Variants in APPL1 observed in about 807,000 individuals in gnomAD.
APPL1 encodes adaptor protein, phosphotyrosine interacting with PH domain and leucine zipper 1.
In APPL1, 42 loss-of-function variants were observed where a neutral mutation model predicts 106.8. That is an observed-to-expected ratio of 0.39 (90% CI 0.31 to 0.51). The LOEUF (loss-of-function observed/expected upper bound fraction) is 0.51. Ranked by LOEUF, APPL1 falls within the 20% of genes least tolerant of loss-of-function variation. APPL1 has a pLI of 0.75. For missense variants in APPL1, 769 were observed against 858.2 expected (o/e 0.90, Z 1.30); for synonymous variants, 263 against 281.8 (o/e 0.93, Z 0.67).
At chr3:57,230,120 A>G (rs915313779) in intron 1 of APPL1, among the ~76,000 whole-genome samples, 3 of 152,198 alleles carry the variant, frequency 2.0e-5, no homozygotes, top group African/African-American at 7.2e-5. Flanking sequence ...AATTGGTACA[A>G]CTGGGATTTA....
rs150513885 is a variant in APPL1, at chr3:57,263,828, T to C, written c.1842+3054T>C. Among the ~76,000 whole-genome samples, 203 of 152,254 alleles carry C rather than the reference T, an allele frequency of 1.3e-3. 1 individual carries two copies. The highest frequency in any genetic ancestry group is 8.5e-4 in the Non-Finnish European group (58 of 68,002). On this transcript the variant is annotated intron_variant, in intron 19 of 21. Transcript: ENST00000288266. ...TAGGTGGCTTCCAAGTTTTAACTAT[T>C]GTGAACCGAGCTGCAGCAAACATGG...
At chr3:57,248,832 T>C (rs2060788400) in intron 10 of APPL1, among the ~76,000 whole-genome samples, 1 of 151,708 alleles carries the variant, frequency 6.6e-6, no homozygotes. Flanking sequence ...ATCCCACCAC[T>C]GCACTCCAGC....
At chr3:57,268,150 A>G (rs897090041) in intron 20 of APPL1, 8 of 488,074 alleles carry the variant, frequency 1.6e-5, no homozygotes, top group African/African-American at 1.2e-4. Context: ...CTAAAATAGT[A>G]TATTAGCTCT....
chr3:57,231,682 C>T (rs988916774), intron 1 of APPL1, among the ~76,000 whole-genome samples: 1 of 151,806 alleles, frequency 6.6e-6, no homozygotes, highest in Admixed American at 6.6e-5. Flanking sequence ...GTGGCATGCA[C>T]CTGTAGTCCC....
chr3:57,249,695 T>C, intron 11 of APPL1, 147 bp downstream of exon 11: 5 of 735,112 alleles, frequency 6.8e-6, no homozygotes, highest in Non-Finnish European at 1.0e-5. Flanking sequence ...TAGAAATATA[T>C]TGAATTTTTG....
chr3:57,247,469 C>T lies in APPL1; in HGVS notation c.696C>T (p.Ser232=), dbSNP rs565715367. Residue 232 remains serine (S), a synonymous_variant, in exon 9 of 22, where the codon AGC becomes AGT. Transcript: ENST00000288266. ...AATTTTTAGCTAATATTGGAACAAG[C>T]GTTCAGAAGTAAGTATTTTTTTCCT... is the stretch of plus-strand genomic sequence containing the variant. ...LEEFLANIGT[S]VQNVRREMDS... 83 of 1,591,810 alleles carry T rather than the reference C, an allele frequency of 5.2e-5. No homozygotes were observed. The highest frequency in any genetic ancestry group is 5.4e-5 in the African/African-American group (4 of 74,302).
Position 57,269,857 on chromosome 3 carries a change from A to G in APPL1, c.*170A>G, listed in dbSNP as rs1418928889. 3.5e-5 allele frequency: 26 copies of G among 752,838 alleles called. No homozygotes were observed. The East Asian group carries it at 7.3e-4, about 21-fold the overall frequency. 46.6% of individuals were successfully genotyped at this position (752,838 alleles called of 1,614,324 possible). ...ATTGAACTTGATGACTTAGGTTTGC[A>G]TTGATCTTTTTTCCCCCTTAAACAT... is the stretch of plus-strand genomic sequence containing the variant. On this transcript the variant is annotated 3_prime_UTR_variant, in exon 22 of 22. Transcript: ENST00000288266.
intron 13 of APPL1, among the ~76,000 whole-genome samples, chr3:57,256,632 C>CAAGA (rs1201624634): frequency 6.6e-6 from 1 of 152,070 alleles, no homozygotes; most frequent in African/African-American, 2.4e-5. Context: ...TAAAAAATAT[C>CAAGA]TGGTAGTTAA....
chr3:57,249,024 T>C (rs956142999), intron 10 of APPL1, among the ~76,000 whole-genome samples: 4 of 152,220 alleles, frequency 2.6e-5, no homozygotes, highest in African/African-American at 9.6e-5. Flanking sequence ...GATGATAGGA[T>C]GAAGCAGGTT....
intron 2 of APPL1, among the ~76,000 whole-genome samples, chr3:57,236,918 A>G (rs554424618): frequency 6.6e-6 from 1 of 152,114 alleles, no homozygotes; most frequent in Non-Finnish European, 1.5e-5. Context: ...TTCATTATGT[A>G]CTTAAGAGTT....
Position 57,271,772 on chromosome 3 carries a change from T to C in APPL1, c.*2085T>C, listed in dbSNP as rs539926515. 2 of 152,356 alleles carry C rather than the reference T, an allele frequency of 1.3e-5. No individual in the cohort carries two copies. The highest frequency in any genetic ancestry group is 4.8e-5 in the African/African-American group (2 of 41,580). 9.4% of individuals were successfully genotyped at this position (152,356 alleles called of 1,614,324 possible). ...GACCTGTAGTTCGTTTTAAGTCATGTTCACAGGAATTTCTACAATAATAAA... is the reference window on the plus strand; with the variant it reads ...GACCTGTAGTTCGTTTTAAGTCATGCTCACAGGAATTTCTACAATAATAAA... On this transcript the variant is annotated 3_prime_UTR_variant, in exon 22 of 22. Transcript: ENST00000288266.
chr3:57,239,818 C>G (rs2060735914), intron 4 of APPL1, among the ~76,000 whole-genome samples: 1 of 152,118 alleles, frequency 6.6e-6, no homozygotes, highest in Non-Finnish European at 1.5e-5. Context: ...TAGGAGGGTT[C>G]CAGTTTTTCC....
At chr3:57,242,211 C>A in intron 6 of APPL1, 69 bp downstream of exon 6, 3 of 1,186,110 alleles carry the variant, frequency 2.5e-6, no homozygotes, top group Non-Finnish European at 3.5e-6. Context: ...TATCTGTGGC[C>A]AGATTCTTTG....
chr3:57,253,414 A>G (rs2060815700), intron 12 of APPL1, among the ~76,000 whole-genome samples: 2 of 151,958 alleles, frequency 1.3e-5, no homozygotes, highest in African/African-American at 4.8e-5. Flanking sequence ...AAATCTACTA[A>G]ATGTTTTCAT....
At position 57,228,792 on chromosome 3, in the gene APPL1, A is replaced by T. The variant is rs1373771886; in HGVS notation, c.54+855A>T. On this transcript the variant is annotated intron_variant, in intron 1 of 21. Coordinates refer to ENST00000288266, the MANE Select transcript of APPL1 (RefSeq NM_012096.3). The surrounding 1 kb of genome is among the most constrained non-coding windows in gnomAD (Gnocchi z 4.6). ...GAAAACTTCATCTCTAAGCCGTTTTACACGATAATTTAAACGGTTTAAGAC... is the reference window on the plus strand; with the variant it reads ...GAAAACTTCATCTCTAAGCCGTTTTTCACGATAATTTAAACGGTTTAAGAC... 2.6e-5 allele frequency among the ~76,000 whole-genome samples: 4 copies of T among 152,252 alleles called. No homozygotes were observed. The highest frequency in any genetic ancestry group is 2.6e-4 in the Admixed American group (4 of 15,288).
At chr3:57,267,634 A>G (rs558534509) in intron 19 of APPL1, 108 bp from the exon 20 acceptor site, 108 of 886,476 alleles carry the variant, frequency 1.2e-4, no homozygotes, top group Middle Eastern at 4.5e-4. Context: ...GCTTGAAGCA[A>G]TGTATTAGGA....
intron 13 of APPL1, 107 bp downstream of exon 13, chr3:57,253,845 T>G: frequency 1.0e-6 from 1 of 965,616 alleles, no homozygotes; most frequent in Non-Finnish European, 1.4e-6. Context: ...TTTTTTAATT[T>G]GACCTTGAAT....
rs1012455415 is a variant in APPL1, at chr3:57,269,927, T to G, written c.*240T>G. 1.1e-4 allele frequency: 34 copies of G among 318,612 alleles called. No homozygotes were observed. The highest frequency in any genetic ancestry group is 1.2e-4 in the Non-Finnish European group (22 of 176,390). The allele number at this position is 318,612 out of a possible 1,614,324, so 19.7% of individuals were successfully genotyped here. On this transcript the variant is annotated 3_prime_UTR_variant, in exon 22 of 22. Coordinates refer to ENST00000288266, the MANE Select transcript of APPL1 (RefSeq NM_012096.3). ...TCTAAAGGAAACCTGCTCATCTCCC[T>G]GAAGCAGACTGCTGAGGAATTACAT...
At chr3:57,256,868 A>T in intron 13 of APPL1, 89 bp from the exon 14 acceptor site, 1 of 996,874 alleles carries the variant, frequency 1.0e-6, no homozygotes, top group Non-Finnish European at 1.6e-6. Flanking sequence ...AGTGTAACTC[A>T]GAAGCATTCT....
Sources: allele counts gnomAD v4.1 joint callset (sites outside exome capture counted in the v4.1 genomes callset), GRCh38; gene constraint gnomAD v4.1.1; non-coding constraint Gnocchi (gnomAD v3.1); transcripts MANE v1.5; gene names NCBI Gene and HGNC (gene_info 2026-07-23, HGNC 2026-07-21).